PAIP2B: variants seen among roughly 807,000 people sequenced by gnomAD.
The protein encoded by PAIP2B is poly(A) binding protein interacting protein 2B.
Under a neutral mutation model 17.0 loss-of-function variants are expected in PAIP2B, and 13 were observed. That is an observed-to-expected ratio of 0.76 (90% CI 0.50 to 1.22). PAIP2B has a LOEUF of 1.22. PAIP2B is among the 50% of genes most tolerant of loss of function. PAIP2B has a pLI of 0.00. For synonymous variants in PAIP2B, 43 were observed against 48.7 expected, an observed-to-expected ratio of 0.88 and a Z score of 0.48; for missense variants, 117 against 144.5, an observed-to-expected ratio of 0.81 and a Z score of 0.98.
At position 71,205,088 on chromosome 2, in the gene PAIP2B, G is replaced by A. The variant is rs1572930178; in HGVS notation, c.-11-2488C>T. On this transcript the variant is annotated intron_variant, in intron 1 of 3. Transcript: ENST00000244221. ...GAAAAAAAAAACCCTTCTAATTCAA[G>A]AGCAAGGTGGAACACAGATAGCAAA... Among the ~76,000 whole-genome samples, 3 of 152,204 alleles carry A rather than the reference G, an allele frequency of 2.0e-5. No individual in the cohort carries two copies. In the South Asian group the frequency reaches 6.2e-4, roughly 32 times the overall value.
intron 1 of PAIP2B, among the ~76,000 whole-genome samples, chr2:71,218,209 C>T (rs1255702270): frequency 6.6e-6 from 1 of 152,004 alleles, no homozygotes; most frequent in East Asian, 1.9e-4. Flanking sequence ...TGACAAATTA[C>T]TTACTGGGAG....
intron 2 of PAIP2B, among the ~76,000 whole-genome samples, chr2:71,200,158 T>C (rs367768429): frequency 1.4e-4 from 22 of 152,294 alleles, no homozygotes; most frequent in East Asian, 9.7e-4. Flanking sequence ...TCAGAAGACA[T>C]TGTATCAGGG....
chr2:71,212,921 AT>A (rs781353885), intron 1 of PAIP2B, among the ~76,000 whole-genome samples: 348 of 136,168 alleles, frequency 2.6e-3, no homozygotes, highest in Middle Eastern at 4.0e-3. Context: ...GCATGGCTAA[AT>A]TTTTTTTTTT....
At chr2:71,188,603 A>G (rs937076405) in intron 3 of PAIP2B, 68 bp from the exon 4 acceptor site, 5 of 1,298,806 alleles carry the variant, frequency 3.8e-6, no homozygotes, top group East Asian at 2.5e-5. Context: ...CCAGTCCATC[A>G]TTATCAGTAC....
intron 1 of PAIP2B, among the ~76,000 whole-genome samples, chr2:71,208,067 A>G (rs1042607137): frequency 5.9e-5 from 9 of 152,122 alleles, no homozygotes; most frequent in African/African-American, 2.2e-4. Flanking sequence ...CCTATGGAGA[A>G]AATGCAAAGT....
At chr2:71,222,694 T>G (rs777943211) in intron 1 of PAIP2B, among the ~76,000 whole-genome samples, 1 of 152,166 alleles carries the variant, frequency 6.6e-6, no homozygotes, top group Non-Finnish European at 1.5e-5. Context: ...ACACATCATA[T>G]ACCACTTTTG....
intron 3 of PAIP2B, among the ~76,000 whole-genome samples, chr2:71,188,900 C>G (rs1353357194): frequency 6.6e-6 from 1 of 152,116 alleles, no homozygotes; most frequent in Non-Finnish European, 1.5e-5. Flanking sequence ...TCTTTCTGTA[C>G]TCTCTTTGGT....
At chr2:71,191,904 T>A (rs1419517923) in intron 2 of PAIP2B, among the ~76,000 whole-genome samples, 1 of 152,222 alleles carries the variant, frequency 6.6e-6, no homozygotes, top group African/African-American at 2.4e-5. Context: ...TACTGCTGAA[T>A]CTTTGCTGAA....
chr2:71,186,611 A>G lies in PAIP2B; in HGVS notation c.*1868T>C, dbSNP rs149405426. 1 of 152,258 alleles carries G rather than the reference A, an allele frequency of 6.6e-6. No homozygotes were observed. Among genetic ancestry groups the G allele is most frequent in the African/African-American group, 2.4e-5 (1 of 41,478 alleles). The allele number at this position is 152,258 out of a possible 1,614,324, so 9.4% of individuals were successfully genotyped here. ...GTCCCAGAAGGGAGAGATTTCCTCT[A>G]TGCACTTGCAATGCCCTTTCCCTTT... On this transcript the variant is annotated 3_prime_UTR_variant, in exon 4 of 4. Transcript: ENST00000244221.
intron 1 of PAIP2B, among the ~76,000 whole-genome samples, chr2:71,223,211 G>A (rs531597493): frequency 2.0e-5 from 3 of 152,152 alleles, no homozygotes; most frequent in Middle Eastern, 3.4e-3. Flanking sequence ...TCAGAATATC[G>A]AGACCAGCCT....
At chr2:71,225,176 C>T (rs1054087889) in intron 1 of PAIP2B, among the ~76,000 whole-genome samples, 1 of 152,166 alleles carries the variant, frequency 6.6e-6, no homozygotes, top group African/African-American at 2.4e-5. Flanking sequence ...AGGCACACAC[C>T]ACTGTGCTAG....
intron 2 of PAIP2B, among the ~76,000 whole-genome samples, chr2:71,198,054 A>G (rs1477063883): frequency 1.3e-5 from 2 of 152,212 alleles, no homozygotes; most frequent in African/African-American, 2.4e-5. Context: ...TCCTCTTTAC[A>G]TAATCCCATA....
chr2:71,199,553 C>T (rs998336800), intron 2 of PAIP2B, among the ~76,000 whole-genome samples: 2 of 151,530 alleles, frequency 1.3e-5, no homozygotes, highest in African/African-American at 4.9e-5. Flanking sequence ...TTTTTTTCCC[C>T]CTTAACCCAA....
chr2:71,211,688 ATTAAT>A (rs1267772391), intron 1 of PAIP2B, among the ~76,000 whole-genome samples: 1 of 151,798 alleles, frequency 6.6e-6, no homozygotes, highest in African/African-American at 2.4e-5. Context: ...AAATTTATGT[ATTAAT>A]TTGTTACCTT....
intron 1 of PAIP2B, among the ~76,000 whole-genome samples, chr2:71,208,773 C>CACAGAAGAG (rs1220779092): frequency 6.6e-6 from 1 of 152,024 alleles, no homozygotes; most frequent in East Asian, 1.9e-4. Flanking sequence ...TTAACACACA[C>CACAGAAGAG]ACAGAAGAGG....
At chr2:71,214,970 T>C (rs895893900) in intron 1 of PAIP2B, among the ~76,000 whole-genome samples, 3 of 151,966 alleles carry the variant, frequency 2.0e-5, no homozygotes. Flanking sequence ...TTAAAAAACA[T>C]ACAAAGATGG....
At chr2:71,188,609 A>G in intron 3 of PAIP2B, 74 bp from the exon 4 acceptor site, 1 of 1,248,642 alleles carries the variant, frequency 8.0e-7, no homozygotes, top group Non-Finnish European at 1.1e-6. Context: ...CATCATTATC[A>G]GTACCTTCCC....
At chr2:71,196,072 G>T (rs1312686721) in intron 2 of PAIP2B, among the ~76,000 whole-genome samples, 2 of 151,964 alleles carry the variant, frequency 1.3e-5, no homozygotes, top group Non-Finnish European at 2.9e-5. Flanking sequence ...GGGTTGATTT[G>T]CTCTTGCTTG....
Position 71,215,297 on chromosome 2 carries a change from C to CA in PAIP2B, c.-12+11630dup, listed in dbSNP as rs549141222. Among the ~76,000 whole-genome samples, 762 of 138,996 alleles carry CA rather than the reference C, an allele frequency of 5.5e-3. 4 individuals carry two copies. The highest frequency in any genetic ancestry group is 0.016 in the African/African-American group (626 of 38,040). 91.2% of individuals were successfully genotyped at this position (138,996 alleles called of 152,430 possible). A position where few individuals can be genotyped will look rare whatever the true frequency, so the allele number is the denominator to read the frequency against. ...TAGGTGACAGAGCGAGACTTCGTCT[C>CA]AAAAAAAAAAAGAAAAAATGCAGAC... On this transcript the variant is annotated intron_variant, in intron 1 of 3. Transcript: ENST00000244221.
Sources: gnomAD v4.1 joint callset for allele counts (sites outside exome capture counted in the v4.1 genomes callset) on GRCh38, gnomAD v4.1.1 for gene constraint, MANE v1.5 for transcripts, NCBI Gene and HGNC (gene_info 2026-07-23, HGNC 2026-07-21) for gene names.